LPA: variants seen among roughly 807,000 people sequenced by gnomAD.
The protein encoded by LPA is lipoprotein(a), also known as apolipoprotein(a).
LPA carries 199 observed loss-of-function variants against 197.9 expected under a neutral mutation model. The ratio of observed to expected loss-of-function variants is 1.01; its 90% CI spans 0.90 to 1.13. The LOEUF (loss-of-function observed/expected upper bound fraction) is 1.13, where lower values mean the gene tolerates loss of function less well. Ranked by LOEUF, LPA falls within the 50% of genes most tolerant of loss-of-function variation. The pLI is 0.00. For synonymous variants in LPA, 715 were observed against 639.5 expected, an observed-to-expected ratio of 1.12 and a Z score of -1.78; for missense variants, 1,853 against 1,785.8, an observed-to-expected ratio of 1.04 and a Z score of -0.68.
rs59853609 is a variant in LPA, at chr6:160,553,937, CTG to C, written c.4973+2086_4973+2087del. 9.6e-4 allele frequency among the ~76,000 whole-genome samples: 134 copies of C among 139,124 alleles called. No individual in the cohort carries two copies. In the East Asian group the frequency reaches 0.014, roughly 14 times the overall value. The allele number at this position is 139,124 out of a possible 152,430, so 91.3% of individuals were successfully genotyped here. A position where few individuals can be genotyped will look rare whatever the true frequency, so the allele number is the denominator to read the frequency against. On this transcript the variant is annotated intron_variant, in intron 30 of 38. Transcript: ENST00000316300. The stretch of plus-strand genomic sequence containing the variant: ...TCTCTCTTTCTCTCTCTCTCTCTCT[CTG>C]TGTGTGTGTGTGTGTGCGCGCGCGC...
At chr6:160,547,635 G>A (rs969916422) in intron 32 of LPA, among the ~76,000 whole-genome samples, 154 bp downstream of exon 32, 2 of 152,164 alleles carry the variant, frequency 1.3e-5, no homozygotes, top group African/African-American at 4.8e-5. Flanking sequence ...CCCCACACGC[G>A]TGGGGCTTTG....
intron 1 of LPA, among the ~76,000 whole-genome samples, chr6:160,654,335 A>T (rs369397619): frequency 1.3e-5 from 2 of 149,652 alleles, no homozygotes; most frequent in Non-Finnish European, 2.9e-5. Flanking sequence ...CCTGCTTTAC[A>T]ATCTGGCCAC....
chr6:160,602,998 T>G (rs1269206925), intron 18 of LPA, among the ~76,000 whole-genome samples: 2 of 110,814 alleles, frequency 1.8e-5, no homozygotes, highest in South Asian at 2.5e-4. Context: ...CATACAGTTT[T>G]TTTTTTTTTT....
At chr6:160,596,664 GC>G (rs1441584244) in intron 20 of LPA, among the ~76,000 whole-genome samples, 1 of 152,108 alleles carries the variant, frequency 6.6e-6, no homozygotes, top group African/African-American at 2.4e-5. Context: ...AGTAAAAAGG[GC>G]CAATAGCATC....
chr6:160,646,601 T>G (rs1305981466), intron 2 of LPA, among the ~76,000 whole-genome samples: 1 of 86,562 alleles, frequency 1.2e-5, no homozygotes, highest in Non-Finnish European at 2.3e-5. Flanking sequence ...ATTATTACTA[T>G]TTTTTTTAAA....
chr6:160,610,766 G>A (rs1259517648), intron 16 of LPA, among the ~76,000 whole-genome samples: 1 of 152,076 alleles, frequency 6.6e-6, no homozygotes, highest in Non-Finnish European at 1.5e-5. Context: ...CCATCTCCTT[G>A]CTATTCAGTG....
chr6:160,554,587 C>T (rs1451130342), intron 30 of LPA, among the ~76,000 whole-genome samples: 1 of 152,108 alleles, frequency 6.6e-6, no homozygotes, highest in Non-Finnish European at 1.5e-5. Flanking sequence ...AATGAGGTGT[C>T]TCTCCTCGGG....
Position 160,577,290 on chromosome 6 carries a change from G to A in LPA, c.4477C>T (p.Pro1493Ser), listed in dbSNP as rs1778703372. ...STEAPSEQAP[P>S]EKSPVVQDCY... ...TCCTGGACCACAGGGCTTTTCTCAG[G>A]TGGTGCTGAAATTAAAATAAAATAA... Residue 1493 changes from proline to serine, a missense_variant, in exon 28 of 39, where the codon CCT (proline) becomes TCT (serine). Coordinates refer to ENST00000316300, the MANE Select transcript of LPA (RefSeq NM_005577.4). 1.2e-6 allele frequency: 2 copies of A among 1,613,624 alleles called. No homozygotes were observed. The highest frequency in any genetic ancestry group is 2.2e-5 in the East Asian group (1 of 44,860).
At chr6:160,659,973 T>C (rs1405394834) in intron 1 of LPA, among the ~76,000 whole-genome samples, 1 of 152,022 alleles carries the variant, frequency 6.6e-6, no homozygotes, top group African/African-American at 2.4e-5. Context: ...AATTCCAACC[T>C]AAAGAAATAC....
intron 1 of LPA, among the ~76,000 whole-genome samples, chr6:160,658,175 C>CA (rs1485222027): frequency 1.3e-5 from 2 of 152,108 alleles, no homozygotes; most frequent in East Asian, 1.9e-4. Context: ...TTTCTTCTGG[C>CA]AAAAAAGTTT....
rs567080276 is a variant in LPA at position 160,564,231 on chromosome 6, T to C, written c.4632-6660A>G. On this transcript the variant is annotated intron_variant, in intron 28 of 38. Coordinates refer to ENST00000316300, the MANE Select transcript of LPA (RefSeq NM_005577.4). ...TTTTTCCTTTCCATATTTAGTGTTTTCTTCAGGACCTCTTGTAAGGCAGGC... is the reference window on the plus strand; with the variant it reads ...TTTTTCCTTTCCATATTTAGTGTTTCCTTCAGGACCTCTTGTAAGGCAGGC... 5.3e-5 allele frequency among the ~76,000 whole-genome samples: 8 copies of C among 152,316 alleles called. No homozygotes were observed. In the East Asian group the frequency reaches 1.3e-3, roughly 26 times the overall value.
chr6:160,538,177 A>G (rs926843057), intron 36 of LPA, among the ~76,000 whole-genome samples: 6 of 152,232 alleles, frequency 3.9e-5, no homozygotes, highest in African/African-American at 9.6e-5. Context: ...GAAAGGCATC[A>G]GTTGCATGCA....
intron 26 of LPA, among the ~76,000 whole-genome samples, chr6:160,584,246 C>CTCCTCG (rs1778860062): frequency 1.6e-5 from 2 of 126,366 alleles, no homozygotes; most frequent in African/African-American, 2.9e-5. Context: ...CTTCCTCCTC[C>CTCCTCG]TCCTCCTCCT....
chr6:160,541,279 A>C (rs1273809144), intron 34 of LPA, 98 bp from the exon 35 acceptor site: 1 of 894,388 alleles, frequency 1.1e-6, no homozygotes, highest in Admixed American at 1.9e-5. Flanking sequence ...AGTTTTGATC[A>C]TGTTCATATT....
At position 160,589,535 on chromosome 6, in the gene LPA, G is replaced by C; in HGVS notation, c.3947+18C>G. The stretch of plus-strand genomic sequence containing the variant: ...AAGTGGGTGGCTGTTTCTCTTGGGA[G>C]AAAACTCAAAGACATACCCATTTGG... On this transcript the variant is annotated intron_variant, in intron 24 of 38. Coordinates refer to ENST00000316300, the MANE Select transcript of LPA (RefSeq NM_005577.4). 1 of 1,612,630 alleles carries C rather than the reference G, an allele frequency of 6.2e-7. No homozygotes were observed. The highest frequency in any genetic ancestry group is 8.5e-7 in the Non-Finnish European group (1 of 1,179,630).
chr6:160,558,810 C>T (rs1325913732), intron 28 of LPA, among the ~76,000 whole-genome samples: 1 of 152,118 alleles, frequency 6.6e-6, no homozygotes, highest in Non-Finnish European at 1.5e-5. Context: ...CTCCTAGGAA[C>T]GTTGACCCAA....
At chr6:160,610,347 C>A (rs1169980728) in intron 16 of LPA, among the ~76,000 whole-genome samples, 1 of 152,138 alleles carries the variant, frequency 6.6e-6, no homozygotes, top group Non-Finnish European at 1.5e-5. Context: ...GGGTTGTCTG[C>A]AGCTGCCTTT....
At chr6:160,581,171 G>GA (rs1178317587) in intron 26 of LPA, among the ~76,000 whole-genome samples, 3 of 151,972 alleles carry the variant, frequency 2.0e-5, no homozygotes, top group African/African-American at 2.4e-5. Flanking sequence ...ACCAATTTTG[G>GA]AAAAAAATTT....
At chr6:160,650,116 C>T (rs565656197) in intron 2 of LPA, among the ~76,000 whole-genome samples, 1 of 152,242 alleles carries the variant, frequency 6.6e-6, no homozygotes, top group East Asian at 1.9e-4. Flanking sequence ...GCCTCACCAC[C>T]GCCAGATATT....
Sources: gnomAD v4.1 joint callset for allele counts (sites outside exome capture counted in the v4.1 genomes callset) on GRCh38, gnomAD v4.1.1 for gene constraint, MANE v1.5 for transcripts, NCBI Gene and HGNC (gene_info 2026-07-23, HGNC 2026-07-21) for gene names.